The following CNTN4 variants were observed in gnomAD, a reference collection of about 807,000 sequenced individuals.
CNTN4 encodes contactin 4, also known as contactin-4.
CNTN4 carries 77 observed loss-of-function variants against 122.5 expected under a neutral mutation model. That is an observed-to-expected ratio of 0.63 (90% confidence interval 0.52 to 0.76). The LOEUF (loss-of-function observed/expected upper bound fraction) is 0.76. CNTN4 is among the 30% of genes least tolerant of loss of function. The probability of loss-of-function intolerance (pLI) is 0.00; values close to 1 mark genes in which losing one functional copy is unlikely to be tolerated. For synonymous variants in CNTN4, 512 were observed against 447.0 expected, an observed-to-expected ratio of 1.15 and a Z score of -1.83; for missense variants, 1,256 against 1,259.1, an observed-to-expected ratio of 1.00 and a Z score of 0.04.
intron 3 of CNTN4, among the ~76,000 whole-genome samples, chr3:2,474,721 A>G (rs923027223): frequency 2.0e-5 from 3 of 152,240 alleles, no homozygotes; most frequent in African/African-American, 7.2e-5. Flanking sequence ...TATAATTAGT[A>G]CAAATCAACT....
intron 3 of CNTN4, among the ~76,000 whole-genome samples, chr3:2,556,910 T>C (rs1005677165): frequency 6.6e-6 from 1 of 152,108 alleles, no homozygotes; most frequent in Admixed American, 6.6e-5. Context: ...AACTTGAAAA[T>C]GCTGTCTTGA....
intron 2 of CNTN4, among the ~76,000 whole-genome samples, chr3:2,234,150 G>A (rs1299651631): frequency 6.6e-6 from 1 of 151,962 alleles, no homozygotes; most frequent in African/African-American, 2.4e-5. Flanking sequence ...AGGCCAAGGC[G>A]AGTGGATCAC....
intron 3 of CNTN4, among the ~76,000 whole-genome samples, chr3:2,477,446 A>G (rs1014982998): frequency 6.6e-6 from 1 of 152,138 alleles, no homozygotes; most frequent in African/African-American, 2.4e-5. Flanking sequence ...TATCTCATTC[A>G]ACAATTATAA....
At chr3:2,250,257 T>A (rs555942308) in intron 2 of CNTN4, among the ~76,000 whole-genome samples, 5 of 152,088 alleles carry the variant, frequency 3.3e-5, no homozygotes, top group Non-Finnish European at 4.4e-5. Flanking sequence ...AGATTCTACA[T>A]TTTCCCTTAA....
At position 2,520,625 on chromosome 3, in the gene CNTN4, A is replaced by G. The variant is rs79332336; in HGVS notation, c.-88-50791A>G. 8.4e-3 allele frequency among the ~76,000 whole-genome samples: 1,271 copies of G among 152,146 alleles called. 15 individuals carry two copies. The highest frequency in any genetic ancestry group is 0.029 in the African/African-American group (1,220 of 41,526). ...TGATACTCACTGATTAATTGGGCAA[A>G]TAGAGGAAATCTGCAAATGAGAGGG... On this transcript the variant is annotated intron_variant, in intron 3 of 24. Transcript: ENST00000418658.
At chr3:2,214,328 TA>T (rs1355240409) in intron 2 of CNTN4, among the ~76,000 whole-genome samples, 1 of 152,186 alleles carries the variant, frequency 6.6e-6, no homozygotes, top group Non-Finnish European at 1.5e-5. Context: ...TCTCTCAATT[TA>T]GACACCTGAT....
intron 6 of CNTN4, among the ~76,000 whole-genome samples, chr3:2,778,736 G>A (rs1376223358): frequency 6.6e-6 from 1 of 152,120 alleles, no homozygotes; most frequent in Non-Finnish European, 1.5e-5. Context: ...TCAGCATAAT[G>A]GGGGAGAGAG....
chr3:2,535,855 T>C (rs957519488), intron 3 of CNTN4, among the ~76,000 whole-genome samples: 6 of 152,160 alleles, frequency 3.9e-5, no homozygotes, highest in Non-Finnish European at 8.8e-5. Context: ...TAGTACACTT[T>C]CAAAATGTTT....
chr3:2,138,533 A>G (rs1451941804), intron 2 of CNTN4, among the ~76,000 whole-genome samples: 2 of 152,206 alleles, frequency 1.3e-5, no homozygotes, highest in African/African-American at 4.8e-5. Context: ...TGAGATCACC[A>G]CTAGAATAAA....
At chr3:2,390,369 A>T (rs993235183) in intron 3 of CNTN4, among the ~76,000 whole-genome samples, 5 of 152,052 alleles carry the variant, frequency 3.3e-5, no homozygotes, top group Non-Finnish European at 5.9e-5. Flanking sequence ...GTCTGAAATG[A>T]TCATAAAAGT....
intron 13 of CNTN4, among the ~76,000 whole-genome samples, chr3:2,927,044 C>T (rs559685671): frequency 6.6e-6 from 1 of 152,228 alleles, no homozygotes; most frequent in East Asian, 1.9e-4. Context: ...TATGTACTTA[C>T]TTTTAATATA....
intron 2 of CNTN4, among the ~76,000 whole-genome samples, chr3:2,279,338 A>T (rs1158327144): frequency 6.6e-6 from 1 of 152,184 alleles, no homozygotes; most frequent in Non-Finnish European, 1.5e-5. Context: ...GTCAGTTGTT[A>T]TATGCCCTGG....
chr3:2,151,113 T>A (rs1574947312), intron 2 of CNTN4, among the ~76,000 whole-genome samples: 1 of 152,132 alleles, frequency 6.6e-6, no homozygotes, highest in African/African-American at 2.4e-5. Flanking sequence ...TTAGTAGAGA[T>A]GGGGTTTTGC....
intron 6 of CNTN4, among the ~76,000 whole-genome samples, chr3:2,781,855 G>A (rs1207938178): frequency 1.6e-5 from 2 of 125,302 alleles, no homozygotes; most frequent in African/African-American, 7.9e-5. Flanking sequence ...CTCCCGAGTA[G>A]CTGGGACTGC....
At chr3:2,367,535 AT>A (rs1188813562) in intron 3 of CNTN4, among the ~76,000 whole-genome samples, 1 of 151,870 alleles carries the variant, frequency 6.6e-6, no homozygotes, top group Admixed American at 6.6e-5. Context: ...TTTTATTTTT[AT>A]TTTTTGAGAC....
At chr3:2,576,417 C>A (rs752959630) in intron 4 of CNTN4, among the ~76,000 whole-genome samples, 5 of 152,162 alleles carry the variant, frequency 3.3e-5, no homozygotes, top group Non-Finnish European at 5.9e-5. Flanking sequence ...TGATGCTAAT[C>A]CATACATGTT....
chr3:2,746,896 CT>C (rs2089799881), intron 6 of CNTN4, among the ~76,000 whole-genome samples: 1 of 152,124 alleles, frequency 6.6e-6, no homozygotes, highest in Non-Finnish European at 1.5e-5. Flanking sequence ...CAAAGTGTTT[CT>C]TTCTCTTGGT....
chr3:2,698,240 T>A (rs544904409), intron 4 of CNTN4, among the ~76,000 whole-genome samples: 5 of 152,330 alleles, frequency 3.3e-5, no homozygotes, highest in African/African-American at 9.6e-5. Context: ...AAGGAATATC[T>A]TTTATGGCTA....
In CNTN4 at chr3:2,658,961, A is replaced by AC. The variant is rs1559355809; in HGVS notation, c.56-77254_56-77253insC. ...TGCAAATAACACACCCACACACACA[A>AC]ACAGACACACACACACACACACACA... On this transcript the variant is annotated intron_variant, in intron 4 of 24. Coordinates refer to ENST00000418658, the MANE Select transcript of CNTN4 (RefSeq NM_175607.3). Among the ~76,000 whole-genome samples the AC allele has an allele frequency of 1.9e-3, 114 of 59,110 alleles. 1 individual carries two copies. The highest frequency in any genetic ancestry group is 8.0e-3 in the African/African-American group (107 of 13,310). The allele number at this position is 59,110 out of a possible 152,430, so 38.8% of individuals were successfully genotyped here.
Sources: gnomAD v4.1 joint callset for allele counts (sites outside exome capture counted in the v4.1 genomes callset) on GRCh38, gnomAD v4.1.1 for gene constraint, MANE v1.5 for transcripts, NCBI Gene and HGNC (gene_info 2026-07-23, HGNC 2026-07-21) for gene names.